The following SPATA13 variants were observed in gnomAD, a reference collection of about 807,000 sequenced individuals.
The protein encoded by SPATA13 is spermatogenesis-associated protein 13.
A neutral mutation model predicts 104.0 loss-of-function variants in SPATA13; 50 were observed. That is an observed-to-expected ratio of 0.48 (90% CI 0.38 to 0.61). The LOEUF (loss-of-function observed/expected upper bound fraction) is 0.61, where lower values mean the gene tolerates loss of function less well. Ranked by LOEUF, SPATA13 falls within the 20% of genes least tolerant of loss-of-function variation. The pLI is 0.00. For missense variants in SPATA13, 1,524 were observed against 1,690.6 expected, an observed-to-expected ratio of 0.90 and a Z score of 1.73; for synonymous variants, 606 against 667.5, an observed-to-expected ratio of 0.91 and a Z score of 1.42.
intron 3 of SPATA13, among the ~76,000 whole-genome samples, chr13:24,081,100 G>A (rs2137777750): frequency 6.6e-6 from 1 of 152,272 alleles, no homozygotes; most frequent in Middle Eastern, 3.4e-3. Flanking sequence ...TTGGTGCTGT[G>A]GATGTAAAGA....
intron 4 of SPATA13, among the ~76,000 whole-genome samples, chr13:24,281,250 A>AC (rs1875493968): frequency 1.3e-5 from 2 of 152,076 alleles, no homozygotes; most frequent in Admixed American, 1.3e-4. Context: ...TCCCCCTCCA[A>AC]CCCCGTCTCT....
At chr13:24,187,967 T>A (rs1407752094) in intron 1 of SPATA13, among the ~76,000 whole-genome samples, 1 of 152,196 alleles carries the variant, frequency 6.6e-6, no homozygotes. Context: ...AAAGCCAAGA[T>A]AGGCTCAAAG....
rs1244754281 is a variant in SPATA13, at chr13:24,088,666, G to A, written c.-112+70965G>A. Among the ~76,000 whole-genome samples, 5 of 152,312 alleles carry A rather than the reference G, an allele frequency of 3.3e-5. No individual in the cohort carries two copies. In the East Asian group the frequency reaches 9.6e-4, roughly 29 times the overall value. ...AAAAAAATCAAAGCTCAGAATCACT[G>A]CCTTCCAGAAGGTGTATAGTAGAAA... On this transcript the variant is annotated intron_variant, in intron 3 of 14. Coordinates refer to the SPATA13 transcript ENST00000424834. The surrounding 1 kb of genome is among the most constrained non-coding windows in gnomAD (Gnocchi z 4.3).
intron 3 of SPATA13, among the ~76,000 whole-genome samples, chr13:24,114,330 G>C (rs1435466172): frequency 9.7e-6 from 1 of 103,124 alleles, no homozygotes; most frequent in African/African-American, 3.0e-5. Context: ...CAATATGCGA[G>C]CATATAGAAG....
At chr13:24,070,421 T>A (rs1879117494) in intron 3 of SPATA13, among the ~76,000 whole-genome samples, 1 of 152,102 alleles carries the variant, frequency 6.6e-6, no homozygotes, top group African/African-American at 2.4e-5. Flanking sequence ...AGAGGAGATA[T>A]CTCTTTCCAG....
intron 1 of SPATA13, among the ~76,000 whole-genome samples, chr13:24,198,310 G>A (rs7339362): frequency 0.83 from 126,935 of 152,142 alleles, 54,395 homozygotes; most frequent in Middle Eastern, 0.95. Flanking sequence ...TTTGTTTCCA[G>A]ACTCACTGGA....
At chr13:23,988,395 A>G (rs142291196) in intron 2 of SPATA13, among the ~76,000 whole-genome samples, 8 of 152,296 alleles carry the variant, frequency 5.3e-5, no homozygotes, top group East Asian at 1.9e-4. Flanking sequence ...ATTCTGTGCT[A>G]TGGTGATAAC....
At chr13:24,104,004 C>T (rs1278224292) in intron 3 of SPATA13, among the ~76,000 whole-genome samples, 8 of 152,206 alleles carry the variant, frequency 5.3e-5, no homozygotes, top group Admixed American at 5.2e-4. Flanking sequence ...TCAATGCTTA[C>T]TTACTCTTTT....
intron 2 of SPATA13, among the ~76,000 whole-genome samples, chr13:24,235,150 T>G (rs903689001): frequency 6.6e-6 from 1 of 152,184 alleles, no homozygotes. Flanking sequence ...CTTTGCAAAT[T>G]ATGTACTTCT....
intron 4 of SPATA13, chr13:24,278,930 T>G: frequency 1.8e-6 from 1 of 552,064 alleles, no homozygotes; most frequent in Non-Finnish European, 2.6e-6. Context: ...CCTTCCCTCT[T>G]TCCTTCCTTC....
chr13:24,150,666 A>G (rs1882073818), intron 3 of SPATA13, among the ~76,000 whole-genome samples: 1 of 152,142 alleles, frequency 6.6e-6, no homozygotes, highest in South Asian at 2.1e-4. Context: ...TTGGGTCCAG[A>G]ATCCACAGGG....
At chr13:24,033,739 C>T (rs1877572029) in intron 3 of SPATA13, 1 of 152,250 alleles carries the variant, frequency 6.6e-6, no homozygotes. Context: ...GTTGCCTCCA[C>T]CTGGCTGCGT....
chr13:24,224,148 A>G lies in SPATA13; in HGVS notation c.1219A>G (p.Thr407Ala), dbSNP rs1375240830. 6 of 1,551,618 alleles carry G rather than the reference A, an allele frequency of 3.9e-6. No homozygotes were observed. The Admixed American group carries it at 5.9e-5, about 15-fold the overall frequency. The part of the protein sequence containing the change: ...TSKGPHLDAD[T>A]AVFPLETKSS... ...TAAGGGGCCCCACCTAGACGCTGAC[A>G]CTGCCGTATTTCCTCTTGAAACCAA... The change falls in exon 2 of 13, where the codon ACT (threonine) becomes GCT (alanine). Residue 407 changes from threonine to alanine, a missense_variant. Thr to Ala is a moderately conservative substitution (Grantham distance 58). This residue lies in a region of SPATA13 where 1,089 missense variants were observed against 1,135.9 expected (regional missense o/e 0.96). Coordinates refer to ENST00000382108, the MANE Select transcript of SPATA13 (RefSeq NM_001166271.3).
chr13:24,226,673 G>T (rs972075207), intron 2 of SPATA13, among the ~76,000 whole-genome samples: 1 of 152,178 alleles, frequency 6.6e-6, no homozygotes, highest in African/African-American at 2.4e-5. Flanking sequence ...CCTAGCAAAT[G>T]CTCCTTCCCA....
At chr13:24,238,149 T>TC (rs1172273837) in intron 2 of SPATA13, among the ~76,000 whole-genome samples, 1 of 47,142 alleles carries the variant, frequency 2.1e-5, no homozygotes, top group Non-Finnish European at 5.3e-5. Flanking sequence ...TTTTTTTTTT[T>TC]TTTTTGAGAC....
intron 3 of SPATA13, among the ~76,000 whole-genome samples, chr13:24,126,696 A>G (rs1881230745): frequency 6.6e-6 from 1 of 151,994 alleles, no homozygotes; most frequent in Non-Finnish European, 1.5e-5. Context: ...AGCTGCAACT[A>G]CAGGTGTGTG....
At chr13:24,239,393 G>C (rs1724362746) in intron 2 of SPATA13, among the ~76,000 whole-genome samples, 1 of 152,078 alleles carries the variant, frequency 6.6e-6, no homozygotes, top group South Asian at 2.1e-4. Flanking sequence ...GTATGAAAAT[G>C]TAAAGAAAGA....
chr13:24,008,277 C>T lies in SPATA13; in HGVS notation c.-146-9390C>T, dbSNP rs182921206. On this transcript the variant is annotated intron_variant, in intron 2 of 14. Transcript: ENST00000424834. ...GGAGAAAATGCACCTGAATTCACTCCTGAAGGTTGTGGGCTGAGGGGCTCT... is the reference window on the plus strand; with the variant it reads ...GGAGAAAATGCACCTGAATTCACTCTTGAAGGTTGTGGGCTGAGGGGCTCT... Among the ~76,000 whole-genome samples, 804 of 152,326 alleles carry T rather than the reference C, an allele frequency of 5.3e-3. 1 individual carries two copies. Among genetic ancestry groups the T allele is most frequent in the Non-Finnish European group, 7.8e-3 (534 of 68,028 alleles).
At chr13:24,185,061 G>A (rs923400501) in intron 1 of SPATA13, among the ~76,000 whole-genome samples, 8 of 152,096 alleles carry the variant, frequency 5.3e-5, no homozygotes, top group African/African-American at 1.4e-4. Context: ...GCTTCTCCAG[G>A]GGACCTGCTC....
Sources: allele counts gnomAD v4.1 joint callset (sites outside exome capture counted in the v4.1 genomes callset), GRCh38; gene constraint gnomAD v4.1.1; regional missense constraint gnomAD v4.1.1; non-coding constraint Gnocchi (gnomAD v3.1); transcripts MANE v1.5; gene names NCBI Gene and HGNC (gene_info 2026-07-23, HGNC 2026-07-21).